Variants in ST6GALNAC5 observed in about 807,000 individuals in gnomAD.
ST6GALNAC5 encodes the protein alpha-N-acetylgalactosaminide alpha-2,6-sialyltransferase 5.
A neutral mutation model predicts 33.6 loss-of-function variants in ST6GALNAC5; 27 were observed. That is an observed-to-expected ratio of 0.80 (90% CI 0.59 to 1.11). ST6GALNAC5 has a LOEUF of 1.11. ST6GALNAC5 is among the 50% of genes least tolerant of loss of function. The pLI is 0.00. For synonymous variants in ST6GALNAC5, 194 were observed against 171.2 expected (o/e 1.13, Z -1.04); for missense variants, 428 against 454.0 (o/e 0.94, Z 0.52).
chr1:76,967,203 T>C (rs1033596133), intron 2 of ST6GALNAC5, among the ~76,000 whole-genome samples: 4 of 152,196 alleles, frequency 2.6e-5, no homozygotes, highest in Admixed American at 2.6e-4. Context: ...TCTGGTACAA[T>C]TCGGCTGTGA....
At chr1:76,996,835 G>A (rs1438272731) in intron 2 of ST6GALNAC5, among the ~76,000 whole-genome samples, 1 of 152,160 alleles carries the variant, frequency 6.6e-6, no homozygotes, top group Non-Finnish European at 1.5e-5. Context: ...AACCTGCAAA[G>A]GTGTGAGGTG....
At chr1:76,988,676 A>T (rs1375073124) in intron 2 of ST6GALNAC5, among the ~76,000 whole-genome samples, 6 of 152,150 alleles carry the variant, frequency 3.9e-5, no homozygotes, top group Non-Finnish European at 1.5e-5. Context: ...TAAATTAAAC[A>T]GTAAACACAT....
intron 2 of ST6GALNAC5, among the ~76,000 whole-genome samples, chr1:76,987,100 T>C (rs1444050262): frequency 6.6e-6 from 1 of 152,154 alleles, no homozygotes; most frequent in Non-Finnish European, 1.5e-5. Context: ...CAAACCAACA[T>C]GGCATGTGTA....
chr1:77,019,539 C>T (rs1186287442), intron 2 of ST6GALNAC5, among the ~76,000 whole-genome samples: 1 of 152,234 alleles, frequency 6.6e-6, no homozygotes, highest in Non-Finnish European at 1.5e-5. Flanking sequence ...GTTCCCCAAA[C>T]TATCTGGAGC....
intron 2 of ST6GALNAC5, among the ~76,000 whole-genome samples, chr1:76,899,404 G>A (rs1646793087): frequency 6.6e-6 from 1 of 152,076 alleles, no homozygotes; most frequent in Non-Finnish European, 1.5e-5. Context: ...TAAGAGGTCA[G>A]GGCATGGAAA....
In ST6GALNAC5 at chr1:76,956,719, G is replaced by A. The variant is rs560816859; in HGVS notation, c.262-87485G>A. ...CACTCACTTCTACTGAAGGCCAGCT[G>A]TATTTCCATGACCTGCCAATACAAC... On this transcript the variant is annotated intron_variant, in intron 2 of 4. Coordinates refer to ENST00000477717, the MANE Select transcript of ST6GALNAC5 (RefSeq NM_030965.3). Among the ~76,000 whole-genome samples, 13 of 152,262 alleles carry A rather than the reference G, an allele frequency of 8.5e-5. No homozygotes were observed. The South Asian group carries it at 2.5e-3, about 29-fold the overall frequency.
intron 2 of ST6GALNAC5, among the ~76,000 whole-genome samples, chr1:77,022,241 T>C (rs1334997575): frequency 1.3e-5 from 2 of 152,190 alleles, no homozygotes; most frequent in Non-Finnish European, 2.9e-5. Context: ...CCTGCACCTT[T>C]CCTAGCAAAA....
At chr1:76,919,966 G>C (rs953534622) in intron 2 of ST6GALNAC5, among the ~76,000 whole-genome samples, 1 of 151,964 alleles carries the variant, frequency 6.6e-6, no homozygotes, top group African/African-American at 2.4e-5. Context: ...TATAAATACG[G>C]CATTAAAAAA....
At chr1:76,958,864 C>T (rs1272675475) in intron 2 of ST6GALNAC5, among the ~76,000 whole-genome samples, 4 of 152,170 alleles carry the variant, frequency 2.6e-5, no homozygotes. Flanking sequence ...ACTCTCAAGC[C>T]TCCTCCCTTT....
At chr1:76,991,055 C>T (rs1007745639) in intron 2 of ST6GALNAC5, among the ~76,000 whole-genome samples, 1 of 152,120 alleles carries the variant, frequency 6.6e-6, no homozygotes, top group African/African-American at 2.4e-5. Flanking sequence ...TTCTCAGCTC[C>T]TGCCAGTGCT....
Position 77,016,161 on chromosome 1 carries a change from T to TC in ST6GALNAC5, c.262-28041dup, listed in dbSNP as rs1557762242. ...CTCCCTCCCCTCCTGTATCTTCCCC[T>TC]CCTCCTCCTCCTGTCCTCCCCCTCC... On this transcript the variant is annotated intron_variant, in intron 2 of 4. Coordinates refer to ENST00000477717, the MANE Select transcript of ST6GALNAC5 (RefSeq NM_030965.3). Among the ~76,000 whole-genome samples, 56 of 11,288 alleles carry TC rather than the reference T, an allele frequency of 5.0e-3. 13 individuals are homozygous for TC. The highest frequency in any genetic ancestry group is 8.4e-3 in the Admixed American group (7 of 832). 7.4% of individuals were successfully genotyped at this position (11,288 alleles called of 152,430 possible).
chr1:76,934,292 A>G (rs1647174685), intron 2 of ST6GALNAC5, among the ~76,000 whole-genome samples: 1 of 152,034 alleles, frequency 6.6e-6, no homozygotes, highest in Non-Finnish European at 1.5e-5. Flanking sequence ...TCTTGTTCTC[A>G]ATGCAAATGG....
intron 4 of ST6GALNAC5, among the ~76,000 whole-genome samples, chr1:77,052,740 G>A (rs1295133507): frequency 3.3e-5 from 5 of 151,334 alleles, no homozygotes; most frequent in East Asian, 1.9e-4. Flanking sequence ...CCAACATGAC[G>A]AAACCCTGTC....
chr1:76,897,151 G>A (rs9726451), intron 2 of ST6GALNAC5, among the ~76,000 whole-genome samples: 4 of 152,188 alleles, frequency 2.6e-5, no homozygotes, highest in African/African-American at 9.7e-5. Context: ...CGGCAGTACA[G>A]CCTAGGTAAT....
chr1:76,936,854 T>G (rs141205803), intron 2 of ST6GALNAC5, among the ~76,000 whole-genome samples: 1 of 152,010 alleles, frequency 6.6e-6, no homozygotes, highest in Non-Finnish European at 1.5e-5. Flanking sequence ...TTGGACTTTG[T>G]ACCAGAGGAT....
intron 2 of ST6GALNAC5, among the ~76,000 whole-genome samples, chr1:77,029,667 C>T (rs1161516597): frequency 6.6e-6 from 1 of 152,204 alleles, no homozygotes; most frequent in Admixed American, 6.5e-5. Flanking sequence ...AGTTAGTCAT[C>T]ACCATCATAC....
intron 2 of ST6GALNAC5, among the ~76,000 whole-genome samples, chr1:76,977,077 G>A (rs1649039804): frequency 6.6e-6 from 1 of 151,788 alleles, no homozygotes; most frequent in Non-Finnish European, 1.5e-5. Context: ...TCTTTTATAT[G>A]TTTCTATCTA....
At chr1:77,050,512 C>A in intron 4 of ST6GALNAC5, 147 bp downstream of exon 4, 1 of 661,064 alleles carries the variant, frequency 1.5e-6, no homozygotes, top group East Asian at 2.7e-5. Context: ...CTAGAAACAA[C>A]AAACAGCATT....
At chr1:76,987,373 T>C (rs895871531) in intron 2 of ST6GALNAC5, among the ~76,000 whole-genome samples, 4 of 151,994 alleles carry the variant, frequency 2.6e-5, no homozygotes, top group African/African-American at 9.7e-5. Context: ...GAAATGCAAA[T>C]CCAAATCACA....
Sources: gnomAD v4.1 joint callset for allele counts (sites outside exome capture counted in the v4.1 genomes callset) on GRCh38, gnomAD v4.1.1 for gene constraint, MANE v1.5 for transcripts, NCBI Gene and HGNC (gene_info 2026-07-23, HGNC 2026-07-21) for gene names.